The following CDH18 variants were observed in gnomAD, a reference collection of about 807,000 sequenced individuals.
CDH18 encodes the protein cadherin 18.
CDH18 carries 31 observed loss-of-function variants against 67.9 expected under a neutral mutation model. The observed-to-expected ratio is 0.46, with a 90% CI of 0.34 to 0.62. The LOEUF (loss-of-function observed/expected upper bound fraction) is 0.62. Ranked by LOEUF, CDH18 falls within the 20% of genes least tolerant of loss-of-function variation. The pLI is 0.01. For missense variants in CDH18, 890 were observed against 975.5 expected (o/e 0.91, Z 1.17); for synonymous variants, 362 against 347.2 (o/e 1.04, Z -0.48).
intron 6 of CDH18, among the ~76,000 whole-genome samples, chr5:19,608,402 T>C (rs918043195): frequency 4.0e-5 from 6 of 151,664 alleles, no homozygotes; most frequent in Non-Finnish European, 8.9e-5. Context: ...GAAGCTTTGT[T>C]TTCTTTTTCT....
chr5:19,475,432 C>A (rs1199880409), intron 12 of CDH18, among the ~76,000 whole-genome samples: 2 of 151,686 alleles, frequency 1.3e-5, no homozygotes, highest in Non-Finnish European at 2.9e-5. Context: ...AATTTTGAAT[C>A]AGAATTCAAA....
chr5:20,254,035 C>G (rs1360393421), intron 2 of CDH18, among the ~76,000 whole-genome samples: 1 of 152,104 alleles, frequency 6.6e-6, no homozygotes, highest in Non-Finnish European at 1.5e-5. Context: ...GTACAGAAAC[C>G]CATGAGGCTA....
At chr5:20,346,786 G>A (rs192250875) in intron 1 of CDH18, among the ~76,000 whole-genome samples, 2 of 152,180 alleles carry the variant, frequency 1.3e-5, no homozygotes, top group East Asian at 1.9e-4. Flanking sequence ...TAGGTGGCTC[G>A]GTTGTAGGAA....
chr5:20,516,366 A>C (rs1755367925), intron 1 of CDH18, among the ~76,000 whole-genome samples: 2 of 152,016 alleles, frequency 1.3e-5, no homozygotes, highest in Admixed American at 6.6e-5. Context: ...TATTACAAAA[A>C]ACAAATAAAA....
intron 1 of CDH18, among the ~76,000 whole-genome samples, chr5:19,981,844 C>A (rs1799073333): frequency 6.6e-6 from 1 of 152,158 alleles, no homozygotes; most frequent in Non-Finnish European, 1.5e-5. Context: ...TCCTCCCAGG[C>A]TTCCTAGCCA....
At chr5:20,075,026 C>G (rs1215597118) in intron 2 of CDH18, among the ~76,000 whole-genome samples, 2 of 152,124 alleles carry the variant, frequency 1.3e-5, no homozygotes, top group East Asian at 3.9e-4. Flanking sequence ...GGAAAATACA[C>G]TGAAGAAAAA....
intron 1 of CDH18, among the ~76,000 whole-genome samples, chr5:20,332,517 A>C (rs1027052948): frequency 3.3e-5 from 5 of 152,178 alleles, no homozygotes; most frequent in African/African-American, 1.2e-4. Context: ...AACTTGGTGA[A>C]ACAGTAAGAC....
At chr5:20,172,226 A>ACATATATATG (rs1554098787) in intron 2 of CDH18, among the ~76,000 whole-genome samples, 4 of 105,848 alleles carry the variant, frequency 3.8e-5, no homozygotes, top group African/African-American at 1.7e-4. Flanking sequence ...ATATATATGT[A>ACATATATATG]TATATATATA....
At chr5:19,615,748 T>G (rs1183909101) in intron 5 of CDH18, among the ~76,000 whole-genome samples, 1 of 152,334 alleles carries the variant, frequency 6.6e-6, no homozygotes, top group South Asian at 2.1e-4. Flanking sequence ...GTCTCCATAG[T>G]TTTGCCTATT....
intron 1 of CDH18, among the ~76,000 whole-genome samples, chr5:20,360,107 CTATAATATATGTT>C: frequency 2.8e-5 from 1 of 36,204 alleles, no homozygotes; most frequent in Admixed American, 3.0e-4. Flanking sequence ...ATATATAATT[CTATAATATATGTT>C]ATATATTATA....
At chr5:20,249,152 G>A (rs1458491870) in intron 2 of CDH18, among the ~76,000 whole-genome samples, 1 of 152,060 alleles carries the variant, frequency 6.6e-6, no homozygotes, top group Non-Finnish European at 1.5e-5. Context: ...TTTTTCTGAA[G>A]ACAAAAGGGA....
At chr5:20,424,745 T>TTAA (rs1748150654) in intron 1 of CDH18, among the ~76,000 whole-genome samples, 1 of 42,910 alleles carries the variant, frequency 2.3e-5, no homozygotes, top group Non-Finnish European at 3.7e-5. Flanking sequence ...AGACTCTGTC[T>TTAA]AAAAAAAAAA....
intron 1 of CDH18, among the ~76,000 whole-genome samples, chr5:20,416,456 A>G (rs576712851): frequency 6.6e-6 from 1 of 152,268 alleles, no homozygotes; most frequent in South Asian, 2.1e-4. Flanking sequence ...TGCTTACAGA[A>G]AAAAGTAAGT....
chr5:19,679,481 A>G (rs998959516), intron 5 of CDH18, among the ~76,000 whole-genome samples: 4 of 151,934 alleles, frequency 2.6e-5, no homozygotes, highest in Non-Finnish European at 5.9e-5. Flanking sequence ...AAGAAATAAA[A>G]GACATCCAAA....
chr5:20,450,470 A>C (rs1203092529), intron 1 of CDH18, among the ~76,000 whole-genome samples: 4 of 152,190 alleles, frequency 2.6e-5, no homozygotes, highest in Non-Finnish European at 4.4e-5. Context: ...TCTTTATATT[A>C]ATTCCTTTAA....
chr5:20,162,543 C>T lies in CDH18; in HGVS notation c.-518+92901G>A, dbSNP rs79851046. ...ATAGTGACTCACATGCCATTCACAT[C>T]CTTCTGTGTTGCCTCTCATAGTTTG... On this transcript the variant is annotated intron_variant, in intron 2 of 14. Coordinates refer to the CDH18 transcript ENST00000507958. Among the ~76,000 whole-genome samples the T allele has an allele frequency of 8.9e-3, 1,323 of 148,054 alleles. 101 individuals are homozygous for T. The East Asian group carries it at 0.2, about 22-fold the overall frequency.
At chr5:20,186,653 A>G (rs1448452702) in intron 2 of CDH18, among the ~76,000 whole-genome samples, 1 of 151,906 alleles carries the variant, frequency 6.6e-6, no homozygotes, top group Non-Finnish European at 1.5e-5. Flanking sequence ...AAAAGAAAAT[A>G]ATATGTTGGC....
intron 2 of CDH18, among the ~76,000 whole-genome samples, chr5:19,866,091 T>C (rs143476453): frequency 1.7e-4 from 26 of 152,296 alleles, no homozygotes; most frequent in East Asian, 5.8e-4. Flanking sequence ...GTTTAAGGCA[T>C]AAACTTGTGG....
chr5:19,584,786 A>G (rs1404271321), intron 7 of CDH18, among the ~76,000 whole-genome samples: 8 of 131,432 alleles, frequency 6.1e-5, no homozygotes, highest in Non-Finnish European at 1.1e-4. Context: ...CGTTTCTACT[A>G]AAAATACAAA....
Sources: gnomAD v4.1 joint callset for allele counts (sites outside exome capture counted in the v4.1 genomes callset) on GRCh38, gnomAD v4.1.1 for gene constraint, MANE v1.5 for transcripts, NCBI Gene and HGNC (gene_info 2026-07-23, HGNC 2026-07-21) for gene names.